Variants in MAPKAPK2 observed in about 807,000 individuals in gnomAD.
MAPKAPK2 encodes MAPK activated protein kinase 2, also known as MAP kinase-activated protein kinase 2.
In MAPKAPK2, 9 loss-of-function variants were observed where a neutral mutation model predicts 48.8. The observed-to-expected ratio is 0.18, with a 90% CI of 0.11 to 0.32. The LOEUF is 0.32. Ranked by LOEUF, MAPKAPK2 falls within the 10% of genes least tolerant of loss-of-function variation. The probability of loss-of-function intolerance (pLI) is 1.00; values close to 1 mark genes in which losing one functional copy is unlikely to be tolerated. For synonymous variants in MAPKAPK2, 202 were observed against 190.6 expected, an observed-to-expected ratio of 1.06 and a Z score of -0.49; for missense variants, 331 against 498.3, an observed-to-expected ratio of 0.66 and a Z score of 3.20.
chr1:206,689,339 G>A (rs1376665006), intron 1 of MAPKAPK2, among the ~76,000 whole-genome samples: 1 of 152,152 alleles, frequency 6.6e-6, no homozygotes, highest in Non-Finnish European at 1.5e-5. Context: ...TCTGGATGCT[G>A]TTGGAGGGAA....
chr1:206,687,842 T>C (rs1382169176), intron 1 of MAPKAPK2, among the ~76,000 whole-genome samples: 1 of 152,226 alleles, frequency 6.6e-6, no homozygotes, highest in Non-Finnish European at 1.5e-5. Context: ...AGGAGACCTC[T>C]ATTCTACAGT....
chr1:206,711,843 A>G (rs1259384072), intron 1 of MAPKAPK2, among the ~76,000 whole-genome samples: 1 of 150,610 alleles, frequency 6.6e-6, no homozygotes, highest in Non-Finnish European at 1.5e-5. Flanking sequence ...GGTTGGTCTC[A>G]AACTCCTGGG....
At chr1:206,705,103 TG>T (rs1672912054) in intron 1 of MAPKAPK2, among the ~76,000 whole-genome samples, 1 of 152,180 alleles carries the variant, frequency 6.6e-6, no homozygotes, top group African/African-American at 2.4e-5. Context: ...ATTTGAGAAA[TG>T]GCAACAGCCC....
At position 206,732,571 on chromosome 1, in the gene MAPKAPK2, C is replaced by G; in HGVS notation, c.1060-4C>G. 2 of 1,613,744 alleles carry G rather than the reference C, an allele frequency of 1.2e-6. No individual in the cohort carries two copies. The highest frequency in any genetic ancestry group is 1.7e-6 in the Non-Finnish European group (2 of 1,179,982). On this transcript the variant is annotated splice_polypyrimidine_tract_variant and splice_region_variant and intron_variant, in intron 9 of 9. Transcript: ENST00000367103. The surrounding 1 kb of genome is among the most constrained non-coding windows in gnomAD (Gnocchi z 4.4). ...TACCCTTCCTGGTGCTGCCGTGCCC[C>G]CAGGAGGAGATGACCAGTGCCTTGG...
chr1:206,713,381 G>A (rs1174763454), intron 1 of MAPKAPK2, among the ~76,000 whole-genome samples: 1 of 152,214 alleles, frequency 6.6e-6, no homozygotes, highest in African/African-American at 2.4e-5. Flanking sequence ...TATAGGGGAT[G>A]TGTTGGGAGG....
chr1:206,696,294 G>A (rs1174561179), intron 1 of MAPKAPK2: 7 of 963,636 alleles, frequency 7.3e-6, no homozygotes, highest in Admixed American at 6.8e-5. Flanking sequence ...TCCAGACTCC[G>A]CACAGGAACG....
chr1:206,716,016 T>C (rs1673318164), intron 1 of MAPKAPK2, among the ~76,000 whole-genome samples: 1 of 151,906 alleles, frequency 6.6e-6, no homozygotes, highest in Non-Finnish European at 1.5e-5. Context: ...TTTTTTTTAA[T>C]TTCCCTCCTT....
chr1:206,693,480 G>A (rs1296002558), intron 1 of MAPKAPK2, among the ~76,000 whole-genome samples: 2 of 152,122 alleles, frequency 1.3e-5, no homozygotes, highest in Non-Finnish European at 2.9e-5. Flanking sequence ...TGAAAGCTCC[G>A]TGAAGCTGTC....
chr1:206,721,186 C>G (rs1180932772), intron 1 of MAPKAPK2, among the ~76,000 whole-genome samples: 3 of 152,068 alleles, frequency 2.0e-5, no homozygotes. Flanking sequence ...GCACCCCACC[C>G]CTGTTGCTCC....
intron 1 of MAPKAPK2, among the ~76,000 whole-genome samples, chr1:206,689,048 T>G (rs1553425953): frequency 6.6e-6 from 1 of 152,198 alleles, no homozygotes; most frequent in Non-Finnish European, 1.5e-5. Flanking sequence ...TGGTGACCCT[T>G]AGGTGTTAGC....
At position 206,725,293 on chromosome 1, in the gene MAPKAPK2, T is replaced by A. The variant is rs918835784; in HGVS notation, c.280-3417T>A. On this transcript the variant is annotated intron_variant, in intron 1 of 9. Coordinates refer to ENST00000367103, the MANE Select transcript of MAPKAPK2 (RefSeq NM_032960.4). ...GCATTTAGATTTGGATCTTGGTGCA[T>A]CCTCACTTAGCACAGCTCTGGTTGG... Among the ~76,000 whole-genome samples the A allele has an allele frequency of 5.3e-5, 8 of 152,250 alleles. No homozygotes were observed. In the East Asian group the frequency reaches 7.7e-4, roughly 15 times the overall value.
intron 1 of MAPKAPK2, among the ~76,000 whole-genome samples, chr1:206,713,006 T>A (rs1357070907): frequency 3.2e-3 from 116 of 36,102 alleles, no homozygotes; most frequent in South Asian, 5.9e-3. Context: ...ACACACACAC[T>A]AATAGGTTTG....
chr1:206,685,984 G>C (rs1553425558), intron 1 of MAPKAPK2, among the ~76,000 whole-genome samples: 1 of 152,132 alleles, frequency 6.6e-6, no homozygotes, highest in African/African-American at 2.4e-5. Context: ...ATTTAGCCTC[G>C]CTCCTTATTT....
intron 1 of MAPKAPK2, among the ~76,000 whole-genome samples, chr1:206,722,937 G>A (rs1003941815): frequency 6.6e-6 from 1 of 152,266 alleles, no homozygotes; most frequent in African/African-American, 2.4e-5. Context: ...GGGTTAGTGT[G>A]TGACACACGT....
rs954180300 is a variant in MAPKAPK2 at position 206,711,470 on chromosome 1, C to T, written c.280-17240C>T. Reference sequence around the variant, plus strand: ...TTCGCCATGTTGGCTAGGCTGGTCTCGAACTCCTGACCTCAAGTGACCCAC... The same window carrying T: ...TTCGCCATGTTGGCTAGGCTGGTCTTGAACTCCTGACCTCAAGTGACCCAC... On this transcript the variant is annotated intron_variant, in intron 1 of 9. Coordinates refer to ENST00000367103, the MANE Select transcript of MAPKAPK2 (RefSeq NM_032960.4). Among the ~76,000 whole-genome samples, 5 of 151,888 alleles carry T rather than the reference C, an allele frequency of 3.3e-5. No homozygotes were observed. In the South Asian group the frequency reaches 6.2e-4, roughly 19 times the overall value.
rs568282013 is a variant in MAPKAPK2 at position 206,732,539 on chromosome 1, C to T, written c.1060-36C>T. The T allele has an allele frequency of 6.2e-7, 1 of 1,608,926 alleles. No individual in the cohort carries two copies. The highest frequency in any genetic ancestry group is 2.2e-5 in the East Asian group (1 of 44,798). On this transcript the variant is annotated intron_variant, in intron 9 of 9. Coordinates refer to ENST00000367103, the MANE Select transcript of MAPKAPK2 (RefSeq NM_032960.4). The surrounding 1 kb of genome is among the most constrained non-coding windows in gnomAD (Gnocchi z 4.4). ...TGTCTCTCCTACCTGTCTTCTGGCT[C>T]TCTCTGTACCCTTCCTGGTGCTGCC...
intron 1 of MAPKAPK2, among the ~76,000 whole-genome samples, chr1:206,725,763 G>A (rs979567519): frequency 1.3e-5 from 2 of 152,102 alleles, no homozygotes; most frequent in East Asian, 1.9e-4. Flanking sequence ...CCTGTAGGGG[G>A]CGATCGAGGT....
intron 1 of MAPKAPK2, among the ~76,000 whole-genome samples, chr1:206,691,967 A>G (rs1316277466): frequency 6.6e-6 from 1 of 152,206 alleles, no homozygotes; most frequent in Non-Finnish European, 1.5e-5. Context: ...TAGACTACGT[A>G]ATTTAGCAGG....
At chr1:206,692,040 G>A (rs914332371) in intron 1 of MAPKAPK2, among the ~76,000 whole-genome samples, 2 of 152,218 alleles carry the variant, frequency 1.3e-5, no homozygotes, top group Admixed American at 6.5e-5. Context: ...GCAAAGTAGA[G>A]ATGAGGAACT....
Sources: allele counts gnomAD v4.1 joint callset (sites outside exome capture counted in the v4.1 genomes callset), GRCh38; gene constraint gnomAD v4.1.1; non-coding constraint Gnocchi (gnomAD v3.1); transcripts MANE v1.5; gene names NCBI Gene and HGNC (gene_info 2026-07-23, HGNC 2026-07-21).